Variants in OAS1 observed in about 807,000 individuals in gnomAD.
OAS1 encodes the protein 2'-5'-oligoadenylate synthase 1.
OAS1 carries 24 observed loss-of-function variants against 38.5 expected under a neutral mutation model. The observed-to-expected ratio is 0.62, with a 90% CI of 0.45 to 0.88. The LOEUF (loss-of-function observed/expected upper bound fraction) is 0.88, where lower values mean the gene tolerates loss of function less well. Among genes scored for constraint, OAS1 ranks in the 40% least tolerant of loss-of-function variants. The probability of loss-of-function intolerance (pLI) is 0.00; values close to 1 mark genes in which losing one functional copy is unlikely to be tolerated. For synonymous variants in OAS1, 169 were observed against 193.9 expected, an observed-to-expected ratio of 0.87 and a Z score of 1.07; for missense variants, 482 against 493.9, an observed-to-expected ratio of 0.98 and a Z score of 0.23.
In OAS1 at chr12:112,908,604, T is replaced by C. The variant is rs1303093341; in HGVS notation, c.249T>C (p.Ser83=). The change falls in exon 2 of 6, where the codon AGT becomes AGC. Residue 83 remains serine, a synonymous_variant. Transcript: ENST00000202917. ...ACGCTGACCTGGTTGTCTTCCTCAG[T>C]CCTCTCACCACTTTTCAGGATCAGT... is the stretch of plus-strand genomic sequence containing the variant. ...RSDADLVVFL[S]PLTTFQDQLN... The C allele has an allele frequency of 6.2e-7, 1 of 1,614,034 alleles. No individual in the cohort carries two copies. The highest frequency in any genetic ancestry group is 1.3e-5 in the African/African-American group (1 of 74,920).
chr12:112,913,090 C>T (rs1295816483), intron 3 of OAS1, among the ~76,000 whole-genome samples: 1 of 152,168 alleles, frequency 6.6e-6, no homozygotes, highest in Non-Finnish European at 1.5e-5. Flanking sequence ...TAAACTCTCT[C>T]AGTTATTGTT....
In OAS1 at chr12:112,916,744, C is replaced by T. The variant is rs372526688; in HGVS notation, c.884+6C>T. ...AGGCAGCTCACGAAACCCAGGTATG[C>T]TATCCCCACATGGCTTAGCTCCCCT... On this transcript the variant is annotated splice_donor_region_variant and intron_variant, in intron 4 of 5. Coordinates refer to ENST00000202917, the MANE Select transcript of OAS1 (RefSeq NM_016816.4). 24 of 1,601,366 alleles carry T rather than the reference C, an allele frequency of 1.5e-5. No individual in the cohort carries two copies. In the African/African-American group the frequency reaches 3.1e-4, roughly 21 times the overall value.
intron 6 of OAS1, among the ~76,000 whole-genome samples, chr12:112,927,356 A>G (rs4766673): frequency 0.74 from 113,112 of 152,058 alleles, 43,372 homozygotes; most frequent in African/African-American, 0.94. Context: ...ACATCACTGT[A>G]TACCTGAAAT....
intron 4 of OAS1, 84 bp from the exon 5 acceptor site, chr12:112,917,463 C>T: frequency 6.4e-7 from 1 of 1,565,154 alleles, no homozygotes; most frequent in South Asian, 1.2e-5. Context: ...TCCCATGCTG[C>T]TATTTTGCTC....
chr12:112,918,594 C>A, intron 5 of OAS1: 1 of 450,904 alleles, frequency 2.2e-6, no homozygotes, highest in Non-Finnish European at 4.5e-6. Context: ...TCCCATCTTA[C>A]AGATGAGACA....
At chr12:112,926,936 T>C (rs984149534) in intron 6 of OAS1, among the ~76,000 whole-genome samples, 3 of 152,140 alleles carry the variant, frequency 2.0e-5, no homozygotes, top group Non-Finnish European at 4.4e-5. Context: ...TTATTAATAT[T>C]CCTTACTGGG....
exon 7 of OAS1, chr12:112,931,931 C>T (rs767146735): frequency 1.3e-5 from 9 of 702,148 alleles, no homozygotes; most frequent in African/African-American, 7.0e-5. Flanking sequence ...AGTGAACATG[C>T]GGTGAATTTG....
chr12:112,919,874 T>A lies in OAS1; in HGVS notation c.*321T>A. 1.3e-6 allele frequency: 1 copy of A among 782,456 alleles called. No homozygotes were observed. The highest frequency in any genetic ancestry group is 2.1e-5 in the South Asian group (1 of 47,908). 48.5% of individuals were successfully genotyped at this position (782,456 alleles called of 1,614,324 possible). ...TGGGAGGGTAATGTCTAATGTATTA[T>A]CAATAACAATAAAAATAAAGCAAAT... On this transcript the variant is annotated 3_prime_UTR_variant, in exon 6 of 6. Transcript: ENST00000202917.
At chr12:112,916,828 C>T in intron 4 of OAS1, 90 bp downstream of exon 4, 2 of 963,710 alleles carry the variant, frequency 2.1e-6, no homozygotes, top group East Asian at 2.4e-5. Context: ...GGTGGGAGGG[C>T]TCCCCACTTA....
intron 2 of OAS1, among the ~76,000 whole-genome samples, chr12:112,909,726 T>C (rs1005068448): frequency 1.3e-5 from 2 of 152,142 alleles, no homozygotes; most frequent in African/African-American, 4.8e-5. Flanking sequence ...TGAAGGCACC[T>C]CAAAACACCA....
At chr12:112,930,666 T>A (rs970975433) in intron 6 of OAS1, among the ~76,000 whole-genome samples, 1 of 152,260 alleles carries the variant, frequency 6.6e-6, no homozygotes, top group African/African-American at 2.4e-5. Flanking sequence ...CCTGCCAATC[T>A]GCACCCCACC....
At chr12:112,924,842 T>C (rs571303764), downstream of OAS1, among the ~76,000 whole-genome samples, 19 of 152,158 alleles carry the variant, frequency 1.2e-4, no homozygotes, top group South Asian at 1.5e-3. Context: ...TAAGATCTGA[T>C]AGTTTACGCA....
chr12:112,918,966 G>C (rs994166103), intron 5 of OAS1: 5 of 255,426 alleles, frequency 2.0e-5, no homozygotes, highest in Admixed American at 4.7e-5. Context: ...TCAGGGAAAG[G>C]GGGGAAGAAA....
chr12:112,919,203 G>C lies in OAS1; in HGVS notation c.1039-186G>C, dbSNP rs554897923. The C allele has an allele frequency of 2.1e-4, 122 of 589,744 alleles. No homozygotes were observed. In the East Asian group the frequency reaches 3.5e-3, roughly 17 times the overall value. The allele number at this position is 589,744 out of a possible 1,614,324, so 36.5% of individuals were successfully genotyped here. A position where few individuals can be genotyped will look rare whatever the true frequency, so the allele number is the denominator to read the frequency against. On this transcript the variant is annotated intron_variant, in intron 5 of 5. Transcript: ENST00000202917. ...GAGCAAAAGGCTCTCTGCAGCTGAG[G>C]CAACCCCTAAAAGGGCTGACGGCTG... is the stretch of plus-strand genomic sequence containing the variant.
chr12:112,908,354 TG>T (rs2136294412), intron 1 of OAS1, among the ~76,000 whole-genome samples, 181 bp from the exon 2 acceptor site: 1 of 152,214 alleles, frequency 6.6e-6, no homozygotes, highest in Non-Finnish European at 1.5e-5. Flanking sequence ...ATCTGTAAAA[TG>T]GGAACTAATG....
chr12:112,915,758 A>G (rs760277062), intron 3 of OAS1, among the ~76,000 whole-genome samples: 1 of 152,022 alleles, frequency 6.6e-6, no homozygotes, highest in Admixed American at 6.5e-5. Flanking sequence ...TGAGCATGGG[A>G]TGTGTTTCCA....
chr12:112,918,079 T>A (rs955310361), intron 5 of OAS1: 1 of 403,548 alleles, frequency 2.5e-6, no homozygotes, highest in Non-Finnish European at 4.0e-6. Flanking sequence ...AGAGGGCACA[T>A]GTGCCATTTG....
downstream of OAS1, among the ~76,000 whole-genome samples, chr12:112,923,012 C>T (rs1379206505): frequency 6.6e-6 from 1 of 152,200 alleles, no homozygotes; most frequent in Non-Finnish European, 1.5e-5. Context: ...TCACAGCTAC[C>T]ATTCCCACAC....
At chr12:112,909,598 G>A (rs909336546) in intron 2 of OAS1, among the ~76,000 whole-genome samples, 1 of 152,126 alleles carries the variant, frequency 6.6e-6, no homozygotes, top group Non-Finnish European at 1.5e-5. Flanking sequence ...CCAAGGATTC[G>A]AGGTGTCAGT....
Sources: gnomAD v4.1 joint callset for allele counts (sites outside exome capture counted in the v4.1 genomes callset) on GRCh38, gnomAD v4.1.1 for gene constraint, MANE v1.5 for transcripts, NCBI Gene and HGNC (gene_info 2026-07-23, HGNC 2026-07-21) for gene names.